Variants in KIF3A observed in about 807,000 individuals in gnomAD.
KIF3A encodes kinesin family member 3A.
In KIF3A, 27 loss-of-function variants were observed where a neutral mutation model predicts 92.6. That is an observed-to-expected ratio of 0.29 (90% confidence interval 0.21 to 0.40). KIF3A has a LOEUF of 0.40. KIF3A is among the 10% of genes least tolerant of loss of function. The probability of loss-of-function intolerance (pLI) is 1.00; values close to 1 mark genes in which losing one functional copy is unlikely to be tolerated. For missense variants in KIF3A, 581 were observed against 872.6 expected (o/e 0.67, Z 4.21); for synonymous variants, 250 against 275.4 (o/e 0.91, Z 0.92).
intron 2 of KIF3A, among the ~76,000 whole-genome samples, chr5:132,730,663 C>T (rs561074692): frequency 6.6e-6 from 1 of 151,812 alleles, no homozygotes; most frequent in African/African-American, 2.4e-5. Context: ...GGTGCGGTGG[C>T]ACACACATAT....
At chr5:132,697,973 CT>C (rs1752895204) in intron 18 of KIF3A, 1 of 152,134 alleles carries the variant, frequency 6.6e-6, no homozygotes, top group African/African-American at 2.4e-5. Flanking sequence ...ACTCATGTTT[CT>C]TAGAACTGAT....
rs141938784 is a variant in KIF3A at position 132,698,197 on chromosome 5, T to C, written c.2132+974A>G. On this transcript the variant is annotated intron_variant, in intron 18 of 18. Coordinates refer to ENST00000403231, the MANE Select transcript of KIF3A (RefSeq NM_001300791.2). ...AAACCGTACAACTTCATCCCACATG[T>C]AACTTGAAAGTCCATGCACTCAAAG... is the stretch of plus-strand genomic sequence containing the variant. 5.3e-5 allele frequency among the ~76,000 whole-genome samples: 8 copies of C among 152,340 alleles called. No individual in the cohort carries two copies. In the East Asian group the frequency reaches 1.5e-3, roughly 29 times the overall value.
chr5:132,724,787 TATA>T (rs1168282459), intron 4 of KIF3A, among the ~76,000 whole-genome samples: 1 of 71,726 alleles, frequency 1.4e-5, no homozygotes, highest in Non-Finnish European at 2.3e-5. Flanking sequence ...GAACTTAAAG[TATA>T]ATAAAAAAAA....
rs1441768016 is a variant in KIF3A, at chr5:132,734,289, C to T, written c.196G>A (p.Val66Ile). Residue 66 changes from valine to isoleucine, a missense_variant, in exon 2 of 19, where the codon GTT (valine) becomes ATT (isoleucine). By Grantham distance (29) the Val-to-Ile change is conservative. Around this residue, in one of 5 missense-constraint regions of KIF3A, gnomAD observed 217 missense variants for 299.7 expected, o/e 0.72. Coordinates refer to ENST00000403231, the MANE Select transcript of KIF3A (RefSeq NM_001300791.2). ...AGTTGTTTACTCTCTGGTCCAAAAACAGTATCAAAAGTAAATGTCTTTGGA... is the reference window on the plus strand; with the variant it reads ...AGTTGTTTACTCTCTGGTCCAAAAATAGTATCAAAAGTAAATGTCTTTGGA... ...EPPKTFTFDT[V>I]FGPESKQLDV... 1.2e-6 allele frequency: 2 copies of T among 1,614,066 alleles called. No individual in the cohort carries two copies. The highest frequency in any genetic ancestry group is 2.7e-5 in the African/African-American group (2 of 75,054).
At chr5:132,690,691 G>A (rs372915465), downstream of KIF3A, among the ~76,000 whole-genome samples, 15 of 152,270 alleles carry the variant, frequency 9.9e-5, no homozygotes, top group East Asian at 1.5e-3. Context: ...ACTCTGGGAG[G>A]CCGAGGCAGG....
chr5:132,716,696 G>C (rs1490808958), intron 6 of KIF3A, 149 bp downstream of exon 6: 16 of 925,270 alleles, frequency 1.7e-5, no homozygotes, highest in Non-Finnish European at 2.6e-5. Context: ...ATATACATTT[G>C]AAATGTTCCA....
chr5:132,722,582 T>TA (rs892158550), intron 4 of KIF3A, among the ~76,000 whole-genome samples: 29 of 152,166 alleles, frequency 1.9e-4, no homozygotes, highest in African/African-American at 6.3e-4. Flanking sequence ...ATTCACATGG[T>TA]AAAAAAACTA....
intron 2 of KIF3A, among the ~76,000 whole-genome samples, chr5:132,728,954 A>C (rs535214979): frequency 2.2e-3 from 328 of 152,280 alleles, no homozygotes; most frequent in African/African-American, 7.6e-3. Flanking sequence ...ATGCATAAAA[A>C]GGAACAAAAT....
intron 1 of KIF3A, among the ~76,000 whole-genome samples, chr5:132,737,132 T>C (rs978266515): frequency 1.3e-5 from 2 of 152,160 alleles, no homozygotes; most frequent in Non-Finnish European, 1.5e-5. Context: ...CCAGAGCGCA[T>C]CCTCCAGCAC....
At chr5:132,724,405 A>G (rs1753931047) in intron 4 of KIF3A, among the ~76,000 whole-genome samples, 1 of 152,184 alleles carries the variant, frequency 6.6e-6, no homozygotes, top group Non-Finnish European at 1.5e-5. Context: ...AATGTCCAAC[A>G]ATGATAGACT....
At chr5:132,689,681 G>A (rs150828257), downstream of KIF3A, 1 of 152,356 alleles carries the variant, frequency 6.6e-6, no homozygotes, top group East Asian at 1.9e-4. Flanking sequence ...GCGTTTGTAA[G>A]GGAGTGGCTC....
intron 4 of KIF3A, among the ~76,000 whole-genome samples, chr5:132,724,114 C>T (rs1042357542): frequency 1.1e-4 from 16 of 152,156 alleles, no homozygotes; most frequent in African/African-American, 3.1e-4. Flanking sequence ...CATCTCACAC[C>T]AATTAGAATG....
At chr5:132,702,771 G>A (rs1753084767) in intron 13 of KIF3A, 103 bp from the exon 14 acceptor site, 1 of 1,301,822 alleles carries the variant, frequency 7.7e-7, no homozygotes, top group Admixed American at 1.9e-5. Context: ...GATCTTCAAA[G>A]CAATCCATAA....
intron 2 of KIF3A, among the ~76,000 whole-genome samples, chr5:132,731,625 T>C (rs1754233538): frequency 6.6e-6 from 1 of 152,176 alleles, no homozygotes. Context: ...TACTGGAGGT[T>C]CTAGCCTCCA....
At chr5:132,716,813 A>C in intron 6 of KIF3A, 32 bp downstream of exon 6, 2 of 1,601,742 alleles carry the variant, frequency 1.2e-6, no homozygotes, top group Non-Finnish European at 1.7e-6. Flanking sequence ...CACAAGAAAG[A>C]GTTATTCCTT....
chr5:132,702,725 AT>A, intron 13 of KIF3A, 57 bp from the exon 14 acceptor site: 2 of 1,376,026 alleles, frequency 1.5e-6, no homozygotes, highest in Non-Finnish European at 1.0e-6. Flanking sequence ...CAAATATCTA[AT>A]TCTTTAACAA....
intron 11 of KIF3A, 25 bp from the exon 12 acceptor site, chr5:132,703,644 A>C (rs1335880579): frequency 6.5e-7 from 1 of 1,545,858 alleles, no homozygotes; most frequent in East Asian, 2.3e-5. Context: ...TAATTGCAAC[A>C]ATCACTAAAA....
At chr5:132,719,726 C>T (rs1753763337) in intron 5 of KIF3A, among the ~76,000 whole-genome samples, 1 of 151,832 alleles carries the variant, frequency 6.6e-6, no homozygotes, top group Non-Finnish European at 1.5e-5. Flanking sequence ...AAGTGATCCA[C>T]CCACCTCAGC....
At chr5:132,710,383 G>A (rs547427887) in intron 9 of KIF3A, among the ~76,000 whole-genome samples, 66 of 152,298 alleles carry the variant, frequency 4.3e-4, no homozygotes, top group African/African-American at 1.5e-3. Context: ...TTGGGAGGCC[G>A]AGGCAGATGG....
Sources: gnomAD v4.1 joint callset for allele counts (sites outside exome capture counted in the v4.1 genomes callset) on GRCh38, gnomAD v4.1.1 for gene constraint, gnomAD v4.1.1 regional missense constraint, MANE v1.5 for transcripts, NCBI Gene and HGNC (gene_info 2026-07-23, HGNC 2026-07-21) for gene names.